Variants in PLCG2 observed in about 807,000 individuals in gnomAD.
The protein encoded by PLCG2 is phospholipase C gamma 2, also known as 1-phosphatidylinositol 4,5-bisphosphate phosphodiesterase gamma-2.
Under a neutral mutation model 175.6 loss-of-function variants are expected in PLCG2, and 69 were observed. The ratio of observed to expected loss-of-function variants is 0.39; its 90% CI spans 0.32 to 0.48. The LOEUF (loss-of-function observed/expected upper bound fraction) is 0.48, where lower values mean the gene tolerates loss of function less well. PLCG2 is among the 20% of genes least tolerant of loss of function. The pLI is 0.91. For missense variants in PLCG2, 1,798 were observed against 1,650.9 expected, an observed-to-expected ratio of 1.09 and a Z score of -1.54; for synonymous variants, 827 against 624.0, an observed-to-expected ratio of 1.33 and a Z score of -4.85.
chr16:81,905,414 G>A lies in PLCG2; in HGVS notation c.1374G>A (p.Leu458=). The change falls in exon 15 of 33, where the codon CTG becomes CTA. Residue 458 remains leucine, a synonymous_variant. Coordinates refer to ENST00000564138, the MANE Select transcript of PLCG2 (RefSeq NM_002661.5). ...REKIIIKHKK[L]GPRGDVDVNM... is the part of the protein sequence containing the mutation. ...TGTTTTCCCCTCAGCATAAGAAGCT[G>A]GGCCCCCGAGGCGATGTGGATGTCA... 2 of 1,613,552 alleles carry A rather than the reference G, an allele frequency of 1.2e-6. No individual in the cohort carries two copies. The highest frequency in any genetic ancestry group is 1.7e-6 in the Non-Finnish European group (2 of 1,179,514).
At chr16:81,802,293 T>C (rs1305062802) in intron 2 of PLCG2, among the ~76,000 whole-genome samples, 1 of 150,262 alleles carries the variant, frequency 6.7e-6, no homozygotes, top group East Asian at 2.0e-4. Flanking sequence ...TTTGTATTTT[T>C]AGTAGAGATG....
chr16:81,959,186 GTGTAAC>G lies in PLCG2; in HGVS notation c.*1192_*1197del. 4.4e-6 allele frequency: 1 copy of G among 226,202 alleles called. No individual in the cohort carries two copies. The highest frequency in any genetic ancestry group is 8.8e-6 in the Non-Finnish European group (1 of 113,628). The allele number at this position is 226,202 out of a possible 1,614,324, so 14.0% of individuals were successfully genotyped here. A position where few individuals can be genotyped will look rare whatever the true frequency, so the allele number is the denominator to read the frequency against. On this transcript the variant is annotated 3_prime_UTR_variant, in exon 33 of 33. Transcript: ENST00000564138. ...GAATTTACAGCTGATGGGAAAAGGA[GTGTAAC>G]TGTGAAAAACGATGGCTGTGGTGGG...
chr16:81,859,995 G>A (rs1415685589), intron 5 of PLCG2, among the ~76,000 whole-genome samples: 1 of 151,902 alleles, frequency 6.6e-6, no homozygotes, highest in Admixed American at 6.6e-5. Flanking sequence ...TTTAGAGGCA[G>A]GGTCTCTGTC....
At chr16:81,948,356 A>G (rs998699937) in intron 31 of PLCG2, among the ~76,000 whole-genome samples, 3 of 152,192 alleles carry the variant, frequency 2.0e-5, no homozygotes, top group Non-Finnish European at 2.9e-5. Context: ...TTAAATAGTC[A>G]TCATCTTCCA....
rs1162350566 is a variant in PLCG2 at position 81,858,288 on chromosome 16, C to T, written c.363C>T (p.Asn121=). 6.2e-7 allele frequency: 1 copy of T among 1,613,596 alleles called. No homozygotes were observed. Among genetic ancestry groups the T allele is most frequent in the African/African-American group, 1.3e-5 (1 of 74,924 alleles). ...LAADSKEDAV[N]WLSGLKILHQ... The stretch of plus-strand genomic sequence containing the variant: ...CTGACTCTAAAGAGGATGCAGTTAA[C>T]TGGCTCTCTGGCTTGAAAATCTTAC... Residue 121 remains asparagine, a synonymous_variant, in exon 4 of 33, where the codon AAC becomes AAT. Coordinates refer to ENST00000564138, the MANE Select transcript of PLCG2 (RefSeq NM_002661.5).
At chr16:81,882,784 G>A (rs1357660832) in intron 8 of PLCG2, among the ~76,000 whole-genome samples, 17 of 151,742 alleles carry the variant, frequency 1.1e-4, no homozygotes, top group Admixed American at 9.2e-4. Flanking sequence ...ACCCCACCTC[G>A]TTCTGGCTCA....
chr16:81,869,188 C>T, intron 5 of PLCG2, 26 bp from the exon 6 acceptor site: 1 of 1,591,016 alleles, frequency 6.3e-7, no homozygotes, highest in Non-Finnish European at 8.6e-7. Context: ...CTCAAGGTGA[C>T]AGAACTGGGT....
chr16:81,780,327 T>C (rs1471547131), intron 1 of PLCG2, among the ~76,000 whole-genome samples: 1 of 152,158 alleles, frequency 6.6e-6, no homozygotes, highest in Non-Finnish European at 1.5e-5. Context: ...TGTCGAGAAT[T>C]GGGGCTTATT....
chr16:81,811,116 G>C (rs148869760), intron 2 of PLCG2, among the ~76,000 whole-genome samples: 27 of 152,280 alleles, frequency 1.8e-4, no homozygotes, highest in Non-Finnish European at 3.2e-4. Context: ...GCTGGGGAAG[G>C]TCATATGGCA....
At chr16:81,857,453 G>T (rs559665761) in intron 3 of PLCG2, among the ~76,000 whole-genome samples, 1 of 152,244 alleles carries the variant, frequency 6.6e-6, no homozygotes, top group East Asian at 1.9e-4. Context: ...TGTAGACTGG[G>T]GGTTTAAACA....
intron 2 of PLCG2, among the ~76,000 whole-genome samples, chr16:81,796,208 C>T (rs182590830): frequency 6.6e-6 from 1 of 152,350 alleles, no homozygotes; most frequent in Non-Finnish European, 1.5e-5. Flanking sequence ...TAGACAGCCT[C>T]ATCTGCCCTC....
At chr16:81,765,871 C>G (rs1021091863) in intron 2 of PLCG2, among the ~76,000 whole-genome samples, 2 of 152,146 alleles carry the variant, frequency 1.3e-5, no homozygotes, top group Non-Finnish European at 2.9e-5. Context: ...TGCTGTGTAG[C>G]CAAGGTGGGT....
At chr16:81,868,901 G>A (rs988476402) in intron 5 of PLCG2, among the ~76,000 whole-genome samples, 1 of 152,084 alleles carries the variant, frequency 6.6e-6, no homozygotes, top group Non-Finnish European at 1.5e-5. Context: ...ATCACTGTAC[G>A]CTATAAATCT....
chr16:81,740,511 C>G (rs1909566316), intron 1 of PLCG2: 1 of 152,118 alleles, frequency 6.6e-6, no homozygotes, highest in African/African-American at 2.4e-5. Context: ...GAGTCCCAAG[C>G]AGGCAGATCG....
exon 1 of PLCG2, chr16:81,739,147 G>C (rs1242735554): frequency 6.6e-6 from 1 of 152,318 alleles, no homozygotes. Flanking sequence ...GGTGGGGGCA[G>C]GGGGGATTTT....
intron 2 of PLCG2, among the ~76,000 whole-genome samples, chr16:81,797,486 C>T (rs188080160): frequency 1.1e-4 from 17 of 152,300 alleles, no homozygotes; most frequent in Admixed American, 2.0e-4. Flanking sequence ...GCCAGGCCTT[C>T]GGTAGTCCTG....
At chr16:81,810,423 C>T (rs1001412072) in intron 2 of PLCG2, among the ~76,000 whole-genome samples, 1 of 152,206 alleles carries the variant, frequency 6.6e-6, no homozygotes, top group African/African-American at 2.4e-5. Context: ...GGTGAATTTG[C>T]CTTTCTGCTC....
At chr16:81,774,932 A>G (rs965221872), upstream of PLCG2, among the ~76,000 whole-genome samples, 14 of 151,872 alleles carry the variant, frequency 9.2e-5, 1 homozygote, top group Admixed American at 8.5e-4. Context: ...TTTTGTAGAG[A>G]TGGAGGTCTC....
intron 13 of PLCG2, chr16:81,897,775 C>T: frequency 2.2e-6 from 1 of 451,704 alleles, no homozygotes; most frequent in Non-Finnish European, 4.4e-6. Context: ...GAACTCATGA[C>T]CTCAGGTGAT....
Sources: gnomAD v4.1 joint callset for allele counts (sites outside exome capture counted in the v4.1 genomes callset) on GRCh38, gnomAD v4.1.1 for gene constraint, MANE v1.5 for transcripts, NCBI Gene and HGNC (gene_info 2026-07-23, HGNC 2026-07-21) for gene names.